Variants in KAZN observed in about 807,000 individuals in gnomAD.
KAZN encodes kazrin, periplakin interacting protein.
Under a neutral mutation model 87.4 loss-of-function variants are expected in KAZN, and 40 were observed. The observed-to-expected ratio is 0.46, with a 90% CI of 0.36 to 0.60. The LOEUF is 0.60. Ranked by LOEUF, KAZN falls within the 20% of genes least tolerant of loss-of-function variation. The probability of loss-of-function intolerance (pLI) is 0.00; values close to 1 mark genes in which losing one functional copy is unlikely to be tolerated. For synonymous variants in KAZN, 466 were observed against 458.3 expected (o/e 1.02, Z -0.22); for missense variants, 898 against 1,073.9 (o/e 0.84, Z 2.29).
At chr1:14,067,072 T>C (rs1643036700) in intron 1 of KAZN, among the ~76,000 whole-genome samples, 1 of 152,116 alleles carries the variant, frequency 6.6e-6, no homozygotes, top group Admixed American at 6.6e-5. Context: ...TTCCTCTGTA[T>C]CACAAATCCC....
At chr1:14,874,926 A>G (rs897920757) in intron 1 of KAZN, among the ~76,000 whole-genome samples, 6 of 152,194 alleles carry the variant, frequency 3.9e-5, no homozygotes, top group African/African-American at 1.4e-4. Context: ...GCTTTGCCAA[A>G]TCTCCCTTCC....
intron 8 of KAZN, among the ~76,000 whole-genome samples, chr1:15,075,061 C>G (rs1489068339): frequency 2.0e-5 from 3 of 152,140 alleles, no homozygotes; most frequent in African/African-American, 7.2e-5. Flanking sequence ...GCAATTAGCC[C>G]AAGCTGCAGG....
intron 13 of KAZN, among the ~76,000 whole-genome samples, chr1:15,107,656 G>A (rs1393218785): frequency 6.6e-6 from 1 of 152,276 alleles, no homozygotes; most frequent in Non-Finnish European, 1.5e-5. Context: ...TACATCATAA[G>A]ACACCCAATA....
intron 2 of KAZN, among the ~76,000 whole-genome samples, chr1:14,505,911 T>C (rs1483978486): frequency 6.6e-6 from 1 of 151,602 alleles, no homozygotes; most frequent in Admixed American, 6.6e-5. Context: ...GAGGTGGAGG[T>C]TGCAGTGAGC....
chr1:14,176,488 A>T (rs1646078298), intron 1 of KAZN, among the ~76,000 whole-genome samples: 2 of 152,196 alleles, frequency 1.3e-5, no homozygotes, highest in African/African-American at 4.8e-5. Context: ...TTCTGTTTTC[A>T]GATCCCCAAA....
At chr1:14,617,947 C>G (rs1256833611) in intron 1 of KAZN, among the ~76,000 whole-genome samples, 4 of 152,206 alleles carry the variant, frequency 2.6e-5, no homozygotes, top group African/African-American at 9.7e-5. Context: ...TTAAATATGC[C>G]CAACCAGAGT....
At chr1:13,957,818 C>A (rs1044124206) in intron 1 of KAZN, among the ~76,000 whole-genome samples, 1 of 152,164 alleles carries the variant, frequency 6.6e-6, no homozygotes, top group Non-Finnish European at 1.5e-5. Context: ...AAACACCTCT[C>A]ATTAGGCCCC....
intron 1 of KAZN, among the ~76,000 whole-genome samples, chr1:14,726,985 C>T (rs1643412925): frequency 6.6e-6 from 1 of 152,214 alleles, no homozygotes; most frequent in Non-Finnish European, 1.5e-5. Context: ...ACACAGGCAC[C>T]TGGCTCCAGA....
intron 2 of KAZN, among the ~76,000 whole-genome samples, chr1:14,413,819 G>A (rs1219892431): frequency 6.6e-6 from 1 of 151,990 alleles, no homozygotes; most frequent in African/African-American, 2.4e-5. Flanking sequence ...TTAGCATCTG[G>A]AATATACAAA....
chr1:14,084,732 G>A (rs574909546), intron 1 of KAZN, among the ~76,000 whole-genome samples: 1 of 130,368 alleles, frequency 7.7e-6, no homozygotes, highest in African/African-American at 2.8e-5. Flanking sequence ...CCTGTTGTGG[G>A]GTGGGGGGAG....
chr1:14,709,158 G>C (rs960800202), intron 1 of KAZN, among the ~76,000 whole-genome samples: 2 of 152,170 alleles, frequency 1.3e-5, no homozygotes, highest in Non-Finnish European at 2.9e-5. Context: ...TCGGAGGCAC[G>C]AAGCCTTTGT....
intron 1 of KAZN, among the ~76,000 whole-genome samples, chr1:14,733,528 C>T (rs1464117603): frequency 6.6e-6 from 1 of 152,216 alleles, no homozygotes; most frequent in East Asian, 1.9e-4. Flanking sequence ...CCTTCAGAGT[C>T]GGGCAGAGAT....
At chr1:14,932,780 CT>C (rs75037734) in intron 1 of KAZN, among the ~76,000 whole-genome samples, 14,353 of 148,156 alleles carry the variant, frequency 0.097, 886 homozygotes, top group East Asian at 0.28. Flanking sequence ...GAACCCTGCA[CT>C]TTTTTTTTTT....
intron 1 of KAZN, among the ~76,000 whole-genome samples, chr1:14,644,482 C>T (rs1316094694): frequency 2.6e-5 from 4 of 151,960 alleles, no homozygotes; most frequent in African/African-American, 9.7e-5. Context: ...CTGCCTCAGC[C>T]TCCCGAGTAG....
At chr1:13,913,892 A>C (rs1401758325) in intron 1 of KAZN, among the ~76,000 whole-genome samples, 1 of 152,174 alleles carries the variant, frequency 6.6e-6, no homozygotes, top group Non-Finnish European at 1.5e-5. Context: ...AGAATCATTA[A>C]ACTAGTGCAG....
chr1:14,558,550 C>A (rs1412324905), intron 2 of KAZN, among the ~76,000 whole-genome samples: 1 of 152,094 alleles, frequency 6.6e-6, no homozygotes, highest in Non-Finnish European at 1.5e-5. Flanking sequence ...ATTTCTTATT[C>A]TTTTTGAACA....
intron 1 of KAZN, among the ~76,000 whole-genome samples, chr1:14,639,023 C>T (rs1469085156): frequency 1.3e-5 from 2 of 152,226 alleles, no homozygotes; most frequent in African/African-American, 4.8e-5. Context: ...CTACCTTCCA[C>T]CATACACAAT....
At chr1:14,393,541 T>C (rs1188000135) in intron 2 of KAZN, among the ~76,000 whole-genome samples, 1 of 152,108 alleles carries the variant, frequency 6.6e-6, no homozygotes, top group Admixed American at 6.5e-5. Flanking sequence ...TGTAGAATAA[T>C]AGTTCATAGT....
chr1:14,317,602 C>CT lies in KAZN; in HGVS notation c.249+137017dup, dbSNP rs879472213. On this transcript the variant is annotated intron_variant, in intron 2 of 16. Coordinates refer to the KAZN transcript ENST00000636203. ...CTGTTTGCTCCATCTGTTTTTTTCCCTTTTTTTCTCCCTTCTTTCAGAATA... is the reference window on the plus strand; with the variant it reads ...CTGTTTGCTCCATCTGTTTTTTTCCCTTTTTTTTCTCCCTTCTTTCAGAATA... 2.0e-5 allele frequency among the ~76,000 whole-genome samples: 3 copies of CT among 151,652 alleles called. No individual in the cohort carries two copies. In the South Asian group the frequency reaches 6.2e-4, roughly 32 times the overall value.
Sources: allele counts gnomAD v4.1 joint callset (sites outside exome capture counted in the v4.1 genomes callset), GRCh38; gene constraint gnomAD v4.1.1; transcripts MANE v1.5; gene names NCBI Gene and HGNC (gene_info 2026-07-23, HGNC 2026-07-21).